Variants in ZFHX3 observed in about 807,000 individuals in gnomAD.
ZFHX3 encodes the protein zinc finger homeobox 3, also known as zinc finger homeobox protein 3.
ZFHX3 carries 42 observed loss-of-function variants against 279.1 expected under a neutral mutation model. The ratio of observed to expected loss-of-function variants is 0.15; its 90% CI spans 0.12 to 0.19. The LOEUF is 0.19. ZFHX3 is among the 10% of genes least tolerant of loss of function. The pLI is 1.00. For missense variants in ZFHX3, 4,981 were observed against 4,754.0 expected, an observed-to-expected ratio of 1.05 and a Z score of -1.40; for synonymous variants, 2,293 against 1,957.8, an observed-to-expected ratio of 1.17 and a Z score of -4.52.
At chr16:73,048,605 G>T (rs1450535674), upstream of ZFHX3, among the ~76,000 whole-genome samples, 2 of 152,222 alleles carry the variant, frequency 1.3e-5, no homozygotes, top group African/African-American at 4.8e-5. Flanking sequence ...ACGCGCCCTC[G>T]GCCACTAAAA....
intron 5 of ZFHX3, among the ~76,000 whole-genome samples, chr16:73,191,908 G>C (rs1968046282): frequency 6.6e-6 from 1 of 152,172 alleles, no homozygotes; most frequent in Non-Finnish European, 1.5e-5. Flanking sequence ...ACATATGTTG[G>C]GAGCAGAGGG....
chr16:73,690,241 C>T (rs1156597341), intron 1 of ZFHX3, among the ~76,000 whole-genome samples: 1 of 152,136 alleles, frequency 6.6e-6, no homozygotes, highest in Non-Finnish European at 1.5e-5. Context: ...TTACATCCAT[C>T]CCAAGAATCC....
chr16:73,384,504 C>G (rs2016866291), intron 3 of ZFHX3, among the ~76,000 whole-genome samples: 1 of 152,200 alleles, frequency 6.6e-6, no homozygotes, highest in South Asian at 2.1e-4. Context: ...CTCTCTTTTT[C>G]CAAAACAAAC....
intron 2 of ZFHX3, among the ~76,000 whole-genome samples, chr16:72,953,830 G>A (rs552480188): frequency 6.6e-6 from 1 of 152,312 alleles, no homozygotes; most frequent in Non-Finnish European, 1.5e-5. Context: ...GACTCCCACA[G>A]TGTTGGGATT....
chr16:73,315,167 G>T (rs1210310893), intron 4 of ZFHX3, among the ~76,000 whole-genome samples: 3 of 150,568 alleles, frequency 2.0e-5, no homozygotes, highest in Non-Finnish European at 4.4e-5. Context: ...GTTGCAGTGA[G>T]CACCACTGCA....
intron 8 of ZFHX3, among the ~76,000 whole-genome samples, chr16:73,074,872 T>C (rs1012216733): frequency 6.6e-6 from 1 of 152,102 alleles, no homozygotes; most frequent in African/African-American, 2.4e-5. Flanking sequence ...ACAATCTCAG[T>C]TCACTACAAC....
At chr16:73,648,600 C>A (rs562230338) in intron 2 of ZFHX3, among the ~76,000 whole-genome samples, 1 of 152,134 alleles carries the variant, frequency 6.6e-6, no homozygotes, top group South Asian at 2.1e-4. Flanking sequence ...TTAGTAGAGA[C>A]TGGATTTCAC....
chr16:73,533,713 G>A (rs2019847066), intron 2 of ZFHX3, among the ~76,000 whole-genome samples: 2 of 152,012 alleles, frequency 1.3e-5, no homozygotes, highest in Admixed American at 1.3e-4. Context: ...TCAGCCTTAG[G>A]CATTTCAGTT....
chr16:72,958,419 C>A lies in ZFHX3; in HGVS notation c.1727G>T (p.Gly576Val), dbSNP rs191741829. The A allele has an allele frequency of 1.2e-6, 2 of 1,614,204 alleles. No individual in the cohort carries two copies. The highest frequency in any genetic ancestry group is 2.2e-5 in the East Asian group (1 of 44,876). ...RRNRLSFNSE[G>V]VRANVAEGGR... The stretch of plus-strand genomic sequence containing the variant: ...GCCCTCTGCCACATTGGCCCTGACG[C>A]CCTCACTGTTAAAGCTTAAACGATT... The change falls in exon 2 of 10, where the codon GGC (glycine) becomes GTC (valine). Residue 576 changes from glycine to valine, a missense_variant. By Grantham distance (109) the Gly-to-Val change is moderately radical. This residue lies in a region of ZFHX3 where 1,068 missense variants were observed against 935.2 expected (regional missense o/e 1.14). Transcript: ENST00000268489.
intron 5 of ZFHX3, among the ~76,000 whole-genome samples, chr16:73,256,697 A>G (rs1314259856): frequency 6.6e-6 from 1 of 152,154 alleles, no homozygotes; most frequent in African/African-American, 2.4e-5. Context: ...ATCCAGTTTG[A>G]ATTTCTTATT....
chr16:73,127,507 G>A (rs1966590567), intron 7 of ZFHX3: 1 of 1,305,358 alleles, frequency 7.7e-7, no homozygotes, highest in African/African-American at 1.5e-5. Flanking sequence ...TGATGGATGG[G>A]GGAAGAAGAG....
chr16:73,794,808 A>G (rs942092603), intron 1 of ZFHX3, among the ~76,000 whole-genome samples: 1 of 152,222 alleles, frequency 6.6e-6, no homozygotes, highest in Non-Finnish European at 1.5e-5. Flanking sequence ...TATTACATAG[A>G]AATCTCTGTG....
At chr16:73,294,703 C>G (rs1490279112) in intron 4 of ZFHX3, among the ~76,000 whole-genome samples, 3 of 151,522 alleles carry the variant, frequency 2.0e-5, no homozygotes, top group Non-Finnish European at 4.4e-5. Context: ...TCCAGCTACT[C>G]AGGGTGGCTG....
chr16:73,309,906 C>CTTTTTTTTTT lies in ZFHX3; in HGVS notation c.-1194+8324_-1194+8333dup, dbSNP rs57812149. Reference sequence around the variant, plus strand: ...TGCTTTGGGACTCGTTTTTTCTTGCCTTTTTTTTTTTTTTTTTTTTGAGAT... The same window carrying CTTTTTTTTTT: ...TGCTTTGGGACTCGTTTTTTCTTGCCTTTTTTTTTTTTTTTTTTTTTTTTTTTTTTGAGAT... On this transcript the variant is annotated intron_variant, in intron 4 of 17. Coordinates refer to the ZFHX3 transcript ENST00000641206. Among the ~76,000 whole-genome samples the CTTTTTTTTTT allele has an allele frequency of 3.5e-5, 4 of 114,404 alleles. 1 individual carries two copies. The highest frequency in any genetic ancestry group is 6.4e-4 in the South Asian group (2 of 3,102). The allele number at this position is 114,404 out of a possible 152,430, so 75.1% of individuals were successfully genotyped here.
At chr16:73,779,570 A>C (rs1019048847) in intron 1 of ZFHX3, among the ~76,000 whole-genome samples, 2 of 152,166 alleles carry the variant, frequency 1.3e-5, no homozygotes, top group Non-Finnish European at 2.9e-5. Context: ...AAGACCCACA[A>C]AGATAGATAA....
At chr16:72,799,442 T>G (rs1236951078) in intron 8 of ZFHX3, among the ~76,000 whole-genome samples, 3 of 152,176 alleles carry the variant, frequency 2.0e-5, no homozygotes, top group Admixed American at 6.5e-5. Flanking sequence ...GACAGTAGTG[T>G]GGCCAAACTC....
intron 5 of ZFHX3, among the ~76,000 whole-genome samples, chr16:73,217,222 A>G (rs2012244568): frequency 6.6e-6 from 1 of 152,098 alleles, no homozygotes. Context: ...TTTCCAGGGG[A>G]TTTGCTAAAG....
At chr16:73,631,925 T>TCACACACA (rs1253240451) in intron 2 of ZFHX3, among the ~76,000 whole-genome samples, 8 of 90,948 alleles carry the variant, frequency 8.8e-5, no homozygotes, top group African/African-American at 2.7e-4. Context: ...TCTCTCTCTC[T>TCACACACA]CTCACACACA....
intron 5 of ZFHX3, among the ~76,000 whole-genome samples, chr16:72,820,930 C>T (rs1395185821): frequency 1.3e-5 from 2 of 152,114 alleles, no homozygotes; most frequent in African/African-American, 4.8e-5. Context: ...CAGTCTCCAC[C>T]GAGTCAAACA....
Sources: gnomAD v4.1 joint callset for allele counts (sites outside exome capture counted in the v4.1 genomes callset) on GRCh38, gnomAD v4.1.1 for gene constraint, gnomAD v4.1.1 regional missense constraint, MANE v1.5 for transcripts, NCBI Gene and HGNC (gene_info 2026-07-23, HGNC 2026-07-21) for gene names.